Variants in FGFR2 observed in about 807,000 individuals in gnomAD.
FGFR2 encodes the protein fibroblast growth factor receptor 2.
A neutral mutation model predicts 95.9 loss-of-function variants in FGFR2; 19 were observed. The ratio of observed to expected loss-of-function variants is 0.20; its 90% confidence interval spans 0.14 to 0.29. The LOEUF (loss-of-function observed/expected upper bound fraction) is 0.29, where lower values mean the gene tolerates loss of function less well. FGFR2 is among the 10% of genes least tolerant of loss of function. FGFR2 has a pLI of 1.00. For synonymous variants in FGFR2, 392 were observed against 393.3 expected, an observed-to-expected ratio of 1.00 and a Z score of 0.04; for missense variants, 707 against 1,056.9, an observed-to-expected ratio of 0.67 and a Z score of 4.59.
chr10:121,515,292 G>A lies in FGFR2; in HGVS notation c.1112C>T (p.Ala371Val), dbSNP rs2134230329. ...PAPGREKEITASPDYLEIAIY... is the reference protein window; with the variant it reads ...PAPGREKEITVSPDYLEIAIY... ...GGCTATCTCCAGGTAGTCTGGGGAA[G>A]CTGTAATCTCCTTTTCTCTTCCAGG... Residue 371 changes from alanine (A) to valine (V), a missense_variant, in exon 9 of 18, where the codon GCT becomes GTT. By Grantham distance (64) the Ala-to-Val change is moderately conservative (BLOSUM62 0). This residue lies in a region of FGFR2 where 194 missense variants were observed against 267.3 expected (regional missense o/e 0.73). Transcript: ENST00000358487. 5.0e-6 allele frequency: 8 copies of A among 1,614,166 alleles called. No individual in the cohort carries two copies. Among genetic ancestry groups the A allele is most frequent in the Non-Finnish European group, 6.8e-6 (8 of 1,180,026 alleles).
Position 121,500,917 on chromosome 10 carries a change from A to G in FGFR2, c.1470T>C (p.Gly490=), listed in dbSNP as rs2134011065. 6.2e-7 allele frequency: 1 copy of G among 1,614,178 alleles called. No individual in the cohort carries two copies. The highest frequency in any genetic ancestry group is 8.5e-7 in the Non-Finnish European group (1 of 1,180,030). Residue 490 remains glycine (G), a synonymous_variant, in exon 11 of 18, where the codon GGT becomes GGC. Transcript: ENST00000358487. The stretch of plus-strand genomic sequence containing the variant: ...CCGCCATGACCACTTGCCCAAAGCA[A>G]CCTTCTCCCAGGGGCTTGCCCAGTG... The part of the protein sequence containing the change: ...KLTLGKPLGE[G]CFGQVVMAEA...
intron 2 of FGFR2, among the ~76,000 whole-genome samples, chr10:121,580,649 G>A (rs891780079): frequency 4.6e-5 from 7 of 152,096 alleles, no homozygotes; most frequent in Non-Finnish European, 1.0e-4. Flanking sequence ...GGAGCCACAG[G>A]GATCACTTTT....
Position 121,485,430 on chromosome 10 carries a change from G to A in FGFR2, c.2160C>T (p.His720=). ...TGCAGTTGGCTGGCTTATCCATTCT[G>A]TGTCCTTCCTTCAGCAGCTTAAAAA... is the stretch of plus-strand genomic sequence containing the variant. ...EELFKLLKEG[H]RMDKPANCTN... Residue 720 remains histidine (H), a synonymous_variant, in exon 16 of 18, where the codon CAC becomes CAT. Coordinates refer to ENST00000358487, the MANE Select transcript of FGFR2 (RefSeq NM_000141.5). The surrounding 1 kb of genome is among the most constrained non-coding windows in gnomAD (Gnocchi z 4.2). 1.2e-6 allele frequency: 2 copies of A among 1,614,094 alleles called. No homozygotes were observed. Among genetic ancestry groups the A allele is most frequent in the Non-Finnish European group, 1.7e-6 (2 of 1,180,014 alleles).
At chr10:121,571,364 T>C (rs965866517) in intron 2 of FGFR2, among the ~76,000 whole-genome samples, 7 of 138,918 alleles carry the variant, frequency 5.0e-5, no homozygotes, top group African/African-American at 1.9e-4. Context: ...AGTGGTGCGA[T>C]CTCGGCTCAC....
intron 17 of FGFR2, 72 bp from the exon 18 acceptor site, chr10:121,480,093 C>T (rs1322755259): frequency 1.4e-6 from 2 of 1,380,470 alleles, no homozygotes; most frequent in Non-Finnish European, 2.1e-6. Context: ...GTTCGAGAGG[C>T]TGACTGAGGT....
At chr10:121,577,202 GAGAGAC>G (rs1253534827) in intron 2 of FGFR2, among the ~76,000 whole-genome samples, 1 of 120,980 alleles carries the variant, frequency 8.3e-6, no homozygotes, top group African/African-American at 3.3e-5. Flanking sequence ...GAGAGAGAGA[GAGAGAC>G]ACCAAACAGA....
At chr10:121,579,643 G>C (rs1448510809) in intron 2 of FGFR2, among the ~76,000 whole-genome samples, 1 of 152,148 alleles carries the variant, frequency 6.6e-6, no homozygotes, top group Non-Finnish European at 1.5e-5. Context: ...GCTGATATTT[G>C]CATGTGGGGC....
chr10:121,508,170 C>T (rs1240350050), intron 9 of FGFR2, among the ~76,000 whole-genome samples: 3 of 152,136 alleles, frequency 2.0e-5, no homozygotes, highest in African/African-American at 7.2e-5. Context: ...TACCAAGCGA[C>T]GATTGTACTG....
At chr10:121,577,369 G>A (rs577912727) in intron 2 of FGFR2, among the ~76,000 whole-genome samples, 4 of 151,340 alleles carry the variant, frequency 2.6e-5, no homozygotes, top group South Asian at 4.2e-4. Context: ...AAGACCTTCC[G>A]GCTGAAATCC....
At chr10:121,494,230 C>T (rs557067223) in intron 13 of FGFR2, among the ~76,000 whole-genome samples, 2 of 152,030 alleles carry the variant, frequency 1.3e-5, no homozygotes, top group African/African-American at 2.4e-5. Context: ...CTCCATGGCA[C>T]CTTTTTCAAT....
intron 12 of FGFR2, among the ~76,000 whole-genome samples, chr10:121,497,603 G>A (rs1268003249): frequency 6.6e-6 from 1 of 152,136 alleles, no homozygotes; most frequent in African/African-American, 2.4e-5. Context: ...ATAACAAACA[G>A]TAGGCAATGA....
intron 9 of FGFR2, among the ~76,000 whole-genome samples, chr10:121,505,760 C>A (rs1294841689): frequency 6.6e-6 from 1 of 152,192 alleles, no homozygotes. Flanking sequence ...AAGCCAGGAA[C>A]TTTCAGAGAA....
intron 9 of FGFR2, among the ~76,000 whole-genome samples, chr10:121,512,745 T>C (rs1309597429): frequency 6.6e-6 from 1 of 152,110 alleles, no homozygotes; most frequent in African/African-American, 2.4e-5. Context: ...ACCTGATTTA[T>C]ACCCCGCACT....
intron 2 of FGFR2, among the ~76,000 whole-genome samples, chr10:121,587,242 T>C (rs1375845903): frequency 2.0e-5 from 3 of 152,082 alleles, no homozygotes; most frequent in Non-Finnish European, 2.9e-5. Flanking sequence ...TTATACCATA[T>C]ACAAAAAATC....
chr10:121,521,508 C>T (rs1850533560), intron 6 of FGFR2, among the ~76,000 whole-genome samples: 1 of 149,514 alleles, frequency 6.7e-6, no homozygotes, highest in African/African-American at 2.5e-5. Context: ...ATGCATTTCT[C>T]CAAGACACAA....
At chr10:121,527,503 A>G (rs933419988) in intron 6 of FGFR2, among the ~76,000 whole-genome samples, 1 of 152,268 alleles carries the variant, frequency 6.6e-6, no homozygotes, top group Non-Finnish European at 1.5e-5. Context: ...TGATAATTGC[A>G]AAACAAATTG....
At chr10:121,538,117 G>A in intron 6 of FGFR2, 1 of 568,000 alleles carries the variant, frequency 1.8e-6, no homozygotes, top group Non-Finnish European at 3.1e-6. Flanking sequence ...TTCTTGTGAT[G>A]GAAGTGAAGG....
chr10:121,487,872 G>T (rs1187098543), intron 14 of FGFR2, 119 bp downstream of exon 14: 21 of 1,255,048 alleles, frequency 1.7e-5, no homozygotes, highest in Non-Finnish European at 2.0e-5. Context: ...ACGGGAATCG[G>T]GGCAGGGGAA....
At chr10:121,574,380 T>G (rs1859350799) in intron 2 of FGFR2, among the ~76,000 whole-genome samples, 1 of 151,686 alleles carries the variant, frequency 6.6e-6, no homozygotes, top group South Asian at 2.1e-4. Flanking sequence ...AACACAAAAA[T>G]TAGATGGGCA....
Sources: gnomAD v4.1 joint callset for allele counts (sites outside exome capture counted in the v4.1 genomes callset) on GRCh38, gnomAD v4.1.1 for gene constraint, gnomAD v4.1.1 regional missense constraint, Gnocchi (gnomAD v3.1) non-coding constraint, MANE v1.5 for transcripts, NCBI Gene and HGNC (gene_info 2026-07-23, HGNC 2026-07-21) for gene names.